The following LCMT1 variants were observed in gnomAD, a reference collection of about 807,000 sequenced individuals.
LCMT1 encodes [Phosphatase 2A protein]-leucine-carboxy methyltransferase 1.
LCMT1 carries 32 observed loss-of-function variants against 47.7 expected under a neutral mutation model. That is an observed-to-expected ratio of 0.67 (90% CI 0.51 to 0.90). The LOEUF (loss-of-function observed/expected upper bound fraction) is 0.90. Among genes scored for constraint, LCMT1 ranks in the 40% least tolerant of loss-of-function variants. The probability of loss-of-function intolerance (pLI) is 0.00; values close to 1 mark genes in which losing one functional copy is unlikely to be tolerated. For missense variants in LCMT1, 375 were observed against 415.2 expected (o/e 0.90, Z 0.84); for synonymous variants, 152 against 149.7 (o/e 1.02, Z -0.11).
intron 9 of LCMT1, among the ~76,000 whole-genome samples, chr16:25,173,686 G>A (rs939140769): frequency 2.0e-5 from 3 of 151,496 alleles, no homozygotes; most frequent in African/African-American, 7.3e-5. Flanking sequence ...TCCATAGTGT[G>A]TACCTATTTT....
chr16:25,154,299 C>G (rs4787694), intron 5 of LCMT1, among the ~76,000 whole-genome samples: 2 of 151,704 alleles, frequency 1.3e-5, no homozygotes, highest in Non-Finnish European at 2.9e-5. Context: ...GCGTGAGCCA[C>G]TGGGCCTGGC....
intron 3 of LCMT1, among the ~76,000 whole-genome samples, chr16:25,133,599 G>T (rs139209487): frequency 6.7e-6 from 1 of 149,816 alleles, no homozygotes; most frequent in Non-Finnish European, 1.5e-5. Context: ...GGGTTTCACC[G>T]TGTTGGCCAG....
Position 25,164,601 on chromosome 16 carries a change from G to A in LCMT1, c.573G>A (p.Leu191=), listed in dbSNP as rs373044350. ...KLKKCNMNTQ[L]PTLLIAECVL... ...CCTTTTTTTCCTTATCTTTAAGATT[G>A]CCAACACTCCTGATAGCTGAATGTG... is the stretch of plus-strand genomic sequence containing the variant. Residue 191 remains leucine, a synonymous_variant, in exon 7 of 11, where the codon TTG becomes TTA. Coordinates refer to ENST00000399069, the MANE Select transcript of LCMT1 (RefSeq NM_016309.3). 8 of 1,613,674 alleles carry A rather than the reference G, an allele frequency of 5.0e-6. No homozygotes were observed. The African/African-American group carries it at 6.7e-5, about 13-fold the overall frequency.
intron 2 of LCMT1, 84 bp downstream of exon 2, chr16:25,128,650 G>A: frequency 1.9e-6 from 2 of 1,027,974 alleles, no homozygotes; most frequent in Non-Finnish European, 1.5e-6. Context: ...GTCGTGGTGT[G>A]CTCCCTTTCC....
intron 1 of LCMT1, among the ~76,000 whole-genome samples, chr16:25,116,919 A>G (rs1005125257): frequency 1.3e-5 from 2 of 151,778 alleles, no homozygotes; most frequent in East Asian, 3.9e-4. Context: ...ATAAACCAGA[A>G]ACTGGGGTTT....
chr16:25,178,092 C>T lies in LCMT1; in HGVS notation c.*69C>T, dbSNP rs757227679. The stretch of plus-strand genomic sequence containing the variant: ...CCTCCTGGAGGAGACCTGCAAGCTC[C>T]CTGAGCGGTGGGCGGGCCTCGTCCG... On this transcript the variant is annotated 3_prime_UTR_variant, in exon 11 of 11. Coordinates refer to ENST00000399069, the MANE Select transcript of LCMT1 (RefSeq NM_016309.3). 4 of 1,515,324 alleles carry T rather than the reference C, an allele frequency of 2.6e-6. No homozygotes were observed. The highest frequency in any genetic ancestry group is 2.7e-6 in the Non-Finnish European group (3 of 1,094,670). 93.9% of individuals were successfully genotyped at this position (1,515,324 alleles called of 1,614,324 possible).
intron 2 of LCMT1, among the ~76,000 whole-genome samples, chr16:25,131,589 T>C (rs1960350034): frequency 6.6e-6 from 1 of 152,248 alleles, no homozygotes; most frequent in Admixed American, 6.5e-5. Context: ...GCTATCAGAT[T>C]TTTTTCTTAA....
intron 4 of LCMT1, chr16:25,147,485 C>T (rs919827672): frequency 6.6e-6 from 1 of 152,152 alleles, no homozygotes; most frequent in Non-Finnish European, 1.5e-5. Flanking sequence ...GACAAGAATC[C>T]AGTAGCTCTG....
intron 1 of LCMT1, among the ~76,000 whole-genome samples, chr16:25,120,747 T>G (rs1369760818): frequency 3.4e-4 from 48 of 140,110 alleles, no homozygotes; most frequent in African/African-American, 1.3e-3. Context: ...TTGTTTTTTT[T>G]TTTTGTTTTT....
At chr16:25,123,328 T>G (rs1156698960) in intron 1 of LCMT1, among the ~76,000 whole-genome samples, 2 of 148,746 alleles carry the variant, frequency 1.3e-5, no homozygotes, top group Non-Finnish European at 3.0e-5. Flanking sequence ...GGGTTCAAGC[T>G]ATTATCCTGC....
chr16:25,127,242 T>C (rs753235650), intron 1 of LCMT1, among the ~76,000 whole-genome samples: 1 of 152,242 alleles, frequency 6.6e-6, no homozygotes, highest in African/African-American at 2.4e-5. Flanking sequence ...AAAAAAGTAA[T>C]GCAGGTTTGC....
chr16:25,156,092 CTT>C (rs1961249443), intron 5 of LCMT1, among the ~76,000 whole-genome samples: 1 of 152,144 alleles, frequency 6.6e-6, no homozygotes, highest in South Asian at 2.1e-4. Flanking sequence ...CCTCTCTCCT[CTT>C]TGCTTGATGG....
At chr16:25,166,227 A>G (rs1597602288) in intron 7 of LCMT1, among the ~76,000 whole-genome samples, 1 of 149,672 alleles carries the variant, frequency 6.7e-6, no homozygotes, top group East Asian at 2.0e-4. Context: ...CCGAGACTGC[A>G]CCACTACACT....
chr16:25,155,254 A>G (rs1307548583), intron 5 of LCMT1, among the ~76,000 whole-genome samples: 2 of 152,194 alleles, frequency 1.3e-5, no homozygotes, highest in East Asian at 1.9e-4. Flanking sequence ...AAATGGGCAC[A>G]CAATGAAAAG....
chr16:25,152,159 C>T (rs1961101881), intron 5 of LCMT1, among the ~76,000 whole-genome samples: 1 of 152,130 alleles, frequency 6.6e-6, no homozygotes, highest in African/African-American at 2.4e-5. Context: ...TCTGTGGTCT[C>T]ATCAGGAAGG....
Position 25,161,224 on chromosome 16 carries a change from A to C in LCMT1, c.569+20A>C. On this transcript the variant is annotated intron_variant, in intron 6 of 10. Coordinates refer to ENST00000399069, the MANE Select transcript of LCMT1 (RefSeq NM_016309.3). The stretch of plus-strand genomic sequence containing the variant: ...TACACAGTGAGATTTTTTTTTTTAA[A>C]CCTCTTCTGCATTTGTGATTTTATG... 7.4e-7 allele frequency: 1 copy of C among 1,359,164 alleles called. No individual in the cohort carries two copies. Among genetic ancestry groups the C allele is most frequent in the Non-Finnish European group, 1.0e-6 (1 of 970,362 alleles). 84.2% of individuals were successfully genotyped at this position (1,359,164 alleles called of 1,614,324 possible). A position where few individuals can be genotyped will look rare whatever the true frequency, so the allele number is the denominator to read the frequency against.
chr16:25,138,027 G>C (rs1419717828), intron 3 of LCMT1, among the ~76,000 whole-genome samples: 1 of 152,118 alleles, frequency 6.6e-6, no homozygotes, highest in Non-Finnish European at 1.5e-5. Context: ...CTGCCCAGTT[G>C]CTCCAGTCAG....
intron 1 of LCMT1, among the ~76,000 whole-genome samples, chr16:25,112,713 G>A (rs1248868836): frequency 6.6e-6 from 1 of 152,132 alleles, no homozygotes; most frequent in Non-Finnish European, 1.5e-5. Flanking sequence ...AGACATACTG[G>A]AACTCACAGC....
chr16:25,117,285 A>G (rs1959822398), intron 1 of LCMT1, among the ~76,000 whole-genome samples: 1 of 152,176 alleles, frequency 6.6e-6, no homozygotes, highest in Non-Finnish European at 1.5e-5. Flanking sequence ...GGTGATTGTC[A>G]GGATCGCAAA....
Sources: allele counts gnomAD v4.1 joint callset (sites outside exome capture counted in the v4.1 genomes callset), GRCh38; gene constraint gnomAD v4.1.1; transcripts MANE v1.5; gene names NCBI Gene and HGNC (gene_info 2026-07-23, HGNC 2026-07-21).